Variants in CAMTA1 observed in about 807,000 individuals in gnomAD.
The protein encoded by CAMTA1 is calmodulin binding transcription activator 1.
CAMTA1 carries 27 observed loss-of-function variants against 170.9 expected under a neutral mutation model. That is an observed-to-expected ratio of 0.16 (90% CI 0.12 to 0.22). The LOEUF is 0.22. CAMTA1 is among the 10% of genes least tolerant of loss of function. The probability of loss-of-function intolerance (pLI) is 1.00; values close to 1 mark genes in which losing one functional copy is unlikely to be tolerated. For synonymous variants in CAMTA1, 833 were observed against 891.5 expected (o/e 0.93, Z 1.17); for missense variants, 1,619 against 2,217.2 (o/e 0.73, Z 5.42).
intron 5 of CAMTA1, among the ~76,000 whole-genome samples, chr1:7,440,567 T>C (rs1557717408): frequency 6.6e-6 from 1 of 152,250 alleles, no homozygotes; most frequent in Non-Finnish European, 1.5e-5. Flanking sequence ...ACAAACAGCA[T>C]GAGACGCACT....
intron 3 of CAMTA1, among the ~76,000 whole-genome samples, chr1:6,850,999 A>G (rs560089090): frequency 1.3e-5 from 2 of 152,328 alleles, no homozygotes; most frequent in East Asian, 3.9e-4. Context: ...ATAGAAGAAG[A>G]TAACATCACT....
At chr1:7,218,937 T>C (rs527541827) in intron 4 of CAMTA1, among the ~76,000 whole-genome samples, 1 of 152,312 alleles carries the variant, frequency 6.6e-6, no homozygotes, top group Admixed American at 6.5e-5. Flanking sequence ...TGAGTTTTTG[T>C]GGCTATCATT....
chr1:7,673,479 C>G lies in CAMTA1; in HGVS notation c.2779+2442C>G, dbSNP rs1438713475. Among the ~76,000 whole-genome samples the G allele has an allele frequency of 6.6e-6, 1 of 152,206 alleles. No homozygotes were observed. The highest frequency in any genetic ancestry group is 2.4e-5 in the African/African-American group (1 of 41,454). The stretch of plus-strand genomic sequence containing the variant: ...CCAAGGGGGAGTTCGGAGAGGGTAC[C>G]AGGGCAGTTTGGGTCTCAACAGGCA... On this transcript the variant is annotated intron_variant, in intron 10 of 22. Coordinates refer to ENST00000303635, the MANE Select transcript of CAMTA1 (RefSeq NM_015215.4). The surrounding 1 kb of genome is among the most constrained non-coding windows in gnomAD (Gnocchi z 4.6).
chr1:7,110,021 T>C (rs1643916105), intron 4 of CAMTA1, among the ~76,000 whole-genome samples: 1 of 152,174 alleles, frequency 6.6e-6, no homozygotes, highest in South Asian at 2.1e-4. Context: ...CATGGGTCTT[T>C]CTGGAAATGA....
chr1:7,189,391 G>A (rs1056384197), intron 4 of CAMTA1, among the ~76,000 whole-genome samples: 6 of 152,120 alleles, frequency 3.9e-5, no homozygotes, highest in South Asian at 2.1e-4. Context: ...AAAACTACAC[G>A]TCTGAATATC....
intron 6 of CAMTA1, among the ~76,000 whole-genome samples, chr1:7,614,243 G>C (rs979617283): frequency 3.3e-5 from 5 of 152,102 alleles, no homozygotes; most frequent in Non-Finnish European, 5.9e-5. Context: ...AGGCGGCTGA[G>C]AGGGGGCTCC....
At chr1:6,866,473 C>T (rs921769331) in intron 3 of CAMTA1, among the ~76,000 whole-genome samples, 3 of 152,054 alleles carry the variant, frequency 2.0e-5, no homozygotes, top group African/African-American at 2.4e-5. Flanking sequence ...AATCAACAGT[C>T]GGTGAATTTG....
At chr1:7,734,452 A>G (rs1160413411) in intron 12 of CAMTA1, among the ~76,000 whole-genome samples, 1 of 152,148 alleles carries the variant, frequency 6.6e-6, no homozygotes, top group African/African-American at 2.4e-5. Flanking sequence ...GTTAACCACT[A>G]CTGAATATCC....
intron 4 of CAMTA1, among the ~76,000 whole-genome samples, chr1:7,187,618 TTTAACATACATGAA>T (rs1653646684): frequency 6.6e-6 from 1 of 152,218 alleles, no homozygotes; most frequent in Admixed American, 6.5e-5. Flanking sequence ...ATATAATATT[TTTAACATACATGAA>T]ATTATAGAGA....
chr1:7,566,653 C>T (rs2095046530), intron 6 of CAMTA1, among the ~76,000 whole-genome samples: 2 of 152,242 alleles, frequency 1.3e-5, no homozygotes. Flanking sequence ...GGCTGGGCCA[C>T]AGAGCCCTCC....
In CAMTA1 at chr1:7,333,273, G is replaced by A. The variant is rs2083145989; in HGVS notation, c.438+83647G>A. On this transcript the variant is annotated intron_variant, in intron 5 of 22. Coordinates refer to ENST00000303635, the MANE Select transcript of CAMTA1 (RefSeq NM_015215.4). This position sits in a 1 kb window ranked among gnomAD's most constrained non-coding sequence, Gnocchi z 4.4. The stretch of plus-strand genomic sequence containing the variant: ...ATTATGAGCTTCCCTGTCGAGGTTG[G>A]GCTCTGCAAGCTTTGGCAATTGACA... Among the ~76,000 whole-genome samples, 1 of 152,164 alleles carries A rather than the reference G, an allele frequency of 6.6e-6. No homozygotes were observed. The highest frequency in any genetic ancestry group is 2.1e-4 in the South Asian group (1 of 4,826).
chr1:6,990,710 T>C (rs1459975564), intron 3 of CAMTA1, among the ~76,000 whole-genome samples: 1 of 152,086 alleles, frequency 6.6e-6, no homozygotes, highest in Non-Finnish European at 1.5e-5. Flanking sequence ...AATGTTTTGA[T>C]TATTTTCACC....
intron 5 of CAMTA1, among the ~76,000 whole-genome samples, chr1:7,345,347 T>G (rs551097124): frequency 1.3e-5 from 2 of 152,290 alleles, no homozygotes; most frequent in African/African-American, 4.8e-5. Flanking sequence ...GCTTTAAAGT[T>G]TTGATGTTGA....
At chr1:7,407,306 C>T (rs2090368187) in intron 5 of CAMTA1, among the ~76,000 whole-genome samples, 1 of 152,232 alleles carries the variant, frequency 6.6e-6, no homozygotes, top group Admixed American at 6.5e-5. Flanking sequence ...CTATTAAAGC[C>T]AGGGCCTTTG....
chr1:6,986,223 C>T (rs576853973), intron 3 of CAMTA1, among the ~76,000 whole-genome samples: 1 of 152,304 alleles, frequency 6.6e-6, no homozygotes, highest in African/African-American at 2.4e-5. Flanking sequence ...GAATCTGATC[C>T]CTGCTCAGGT....
intron 1 of CAMTA1, among the ~76,000 whole-genome samples, chr1:6,803,509 C>T (rs1644138633): frequency 6.6e-6 from 1 of 152,190 alleles, no homozygotes; most frequent in Non-Finnish European, 1.5e-5. Context: ...TTGGAGATAA[C>T]TATGTAAAGG....
chr1:7,594,326 C>T (rs770430843), intron 6 of CAMTA1, among the ~76,000 whole-genome samples: 1 of 151,996 alleles, frequency 6.6e-6, no homozygotes, highest in Non-Finnish European at 1.5e-5. Flanking sequence ...AAGAATGTTC[C>T]AGACAGGGGG....
At chr1:6,858,483 TG>T (rs34643987) in intron 3 of CAMTA1, among the ~76,000 whole-genome samples, 14 of 70,370 alleles carry the variant, frequency 2.0e-4, no homozygotes, top group South Asian at 4.3e-4. Context: ...TGTGTGTGTG[TG>T]TTGGGGGGGG....
At chr1:6,997,852 G>T (rs1697559817) in intron 3 of CAMTA1, among the ~76,000 whole-genome samples, 1 of 151,690 alleles carries the variant, frequency 6.6e-6, no homozygotes, top group South Asian at 2.1e-4. Flanking sequence ...AGTAGGGACG[G>T]GGTTTCACCA....
Sources: allele counts gnomAD v4.1 joint callset (sites outside exome capture counted in the v4.1 genomes callset), GRCh38; gene constraint gnomAD v4.1.1; non-coding constraint Gnocchi (gnomAD v3.1); transcripts MANE v1.5; gene names NCBI Gene and HGNC (gene_info 2026-07-23, HGNC 2026-07-21).